Variants in KIF1B observed in about 807,000 individuals in gnomAD.
The protein encoded by KIF1B is kinesin-like protein KIF1B.
KIF1B carries 76 observed loss-of-function variants against 241.9 expected under a neutral mutation model. That is an observed-to-expected ratio of 0.31 (90% CI 0.26 to 0.38). The LOEUF (loss-of-function observed/expected upper bound fraction) is 0.38. Ranked by LOEUF, KIF1B falls within the 10% of genes least tolerant of loss-of-function variation. The pLI is 1.00. For missense variants in KIF1B, 1,622 were observed against 2,271.4 expected (o/e 0.71, Z 5.81); for synonymous variants, 750 against 796.7 (o/e 0.94, Z 0.99).
chr1:10,261,767 C>T lies in KIF1B; in HGVS notation c.364-138C>T, dbSNP rs144669040. The T allele has an allele frequency of 7.9e-5, 55 of 699,976 alleles. No individual in the cohort carries two copies. The African/African-American group carries it at 7.9e-4, about 10-fold the overall frequency. The allele number at this position is 699,976 out of a possible 1,614,324, so 43.4% of individuals were successfully genotyped here. A position where few individuals can be genotyped will look rare whatever the true frequency, so the allele number is the denominator to read the frequency against. On this transcript the variant is annotated intron_variant, in intron 4 of 48. Coordinates refer to ENST00000676179, the MANE Select transcript of KIF1B (RefSeq NM_001365951.3). ...GACTGACTTTATTCAAAGCATTAAT[C>T]GTATCTTGATGTTTATGACATAATA...
Position 10,326,501 on chromosome 1 carries a change from T to C in KIF1B, c.2924+142T>C. The stretch of plus-strand genomic sequence containing the variant: ...TTTCAAGTTCTCCAATACTTCAAGC[T>C]CTTAGTCAGTGCTGGTCTGGCTGAG... On this transcript the variant is annotated intron_variant, in intron 27 of 48. Coordinates refer to ENST00000676179, the MANE Select transcript of KIF1B (RefSeq NM_001365951.3). The surrounding 1 kb of genome is among the most constrained non-coding windows in gnomAD (Gnocchi z 5.2). The C allele has an allele frequency of 9.0e-7, 1 of 1,113,116 alleles. No homozygotes were observed. The highest frequency in any genetic ancestry group is 1.3e-6 in the Non-Finnish European group (1 of 747,288). 69.0% of individuals were successfully genotyped at this position (1,113,116 alleles called of 1,614,324 possible).
chr1:10,230,427 G>GT (rs144336518), intron 1 of KIF1B, among the ~76,000 whole-genome samples: 2,419 of 142,680 alleles, frequency 0.017, 50 homozygotes, highest in African/African-American at 0.057. Flanking sequence ...AAAATTGGTT[G>GT]TTTTTTTTTT....
In KIF1B at chr1:10,232,297, A is replaced by G; in HGVS notation, c.-32A>G. ...AGAAGATTTGATTCTTTATTTCTGG[A>G]CTGCATATATATATATAACAAGGCC... On this transcript the variant is annotated 5_prime_UTR_variant, in exon 2 of 49. Coordinates refer to ENST00000676179, the MANE Select transcript of KIF1B (RefSeq NM_001365951.3). 1 of 1,452,756 alleles carries G rather than the reference A, an allele frequency of 6.9e-7. No individual in the cohort carries two copies. 90.0% of individuals were successfully genotyped at this position (1,452,756 alleles called of 1,614,324 possible).
chr1:10,265,513 G>A (rs1422252000), intron 5 of KIF1B, among the ~76,000 whole-genome samples: 1 of 152,092 alleles, frequency 6.6e-6, no homozygotes, highest in Non-Finnish European at 1.5e-5. Context: ...GGGGATTCCA[G>A]GCATGAGCCA....
chr1:10,313,106 A>G lies in KIF1B; in HGVS notation c.2116-6937A>G, dbSNP rs925831575. The stretch of plus-strand genomic sequence containing the variant: ...TATTGAGACAGAGTCTTGCTCTGTC[A>G]CCTAGGCTGGAGTGTGTGACACGAT... On this transcript the variant is annotated intron_variant, in intron 22 of 48. Coordinates refer to ENST00000676179, the MANE Select transcript of KIF1B (RefSeq NM_001365951.3). Among the ~76,000 whole-genome samples the G allele has an allele frequency of 6.0e-5, 9 of 151,242 alleles. 2 individuals are homozygous for G. Among genetic ancestry groups the G allele is most frequent in the African/African-American group, 2.2e-4 (9 of 40,672 alleles).
chr1:10,223,541 GTTTTGT>G (rs1430792689), intron 1 of KIF1B, among the ~76,000 whole-genome samples: 15 of 118,638 alleles, frequency 1.3e-4, no homozygotes, highest in African/African-American at 3.1e-4. Flanking sequence ...TTTTTGTTTT[GTTTTGT>G]TTTTTTTTTT....
At chr1:10,321,929 C>G in intron 24 of KIF1B, 72 bp downstream of exon 24, 10 of 1,552,442 alleles carry the variant, frequency 6.4e-6, no homozygotes, top group Non-Finnish European at 8.9e-6. Context: ...GGGTTCTCAC[C>G]TTGAATTAAC....
chr1:10,276,600 G>A (rs538648671), intron 12 of KIF1B, among the ~76,000 whole-genome samples: 23 of 152,268 alleles, frequency 1.5e-4, no homozygotes, highest in Non-Finnish European at 1.3e-4. Flanking sequence ...GTTTCACTGG[G>A]AAAGATATGA....
At chr1:10,227,499 A>C (rs1459151288) in intron 1 of KIF1B, among the ~76,000 whole-genome samples, 3 of 152,206 alleles carry the variant, frequency 2.0e-5, no homozygotes, top group Non-Finnish European at 2.9e-5. Context: ...CTAAACTGGT[A>C]GTCAGATCTA....
At chr1:10,335,027 C>G (rs1652112686) in intron 28 of KIF1B, among the ~76,000 whole-genome samples, 1 of 151,794 alleles carries the variant, frequency 6.6e-6, no homozygotes, top group South Asian at 2.1e-4. Context: ...CATCCTTCAC[C>G]TCCAGGCTCA....
At chr1:10,275,392 C>G in intron 10 of KIF1B, 36 bp from the exon 11 acceptor site, 1 of 1,242,916 alleles carries the variant, frequency 8.0e-7, no homozygotes. Context: ...TTTTCCCTAA[C>G]GAAAAATGCT....
chr1:10,282,025 T>G (rs2102231931), intron 14 of KIF1B, among the ~76,000 whole-genome samples: 1 of 152,338 alleles, frequency 6.6e-6, no homozygotes, highest in South Asian at 2.1e-4. Context: ...CTAAGCAGTA[T>G]CCTTTGAGGC....
At chr1:10,276,287 A>G (rs1323968258) in intron 11 of KIF1B, 34 bp from the exon 12 acceptor site, 1 of 1,454,768 alleles carries the variant, frequency 6.9e-7, no homozygotes, top group South Asian at 1.1e-5. Flanking sequence ...TTCTAAAATG[A>G]GTGTGATTTG....
At chr1:10,336,806 T>A in intron 29 of KIF1B, 64 bp downstream of exon 29, 3 of 1,446,370 alleles carry the variant, frequency 2.1e-6, no homozygotes, top group Non-Finnish European at 1.9e-6. Flanking sequence ...GCATTGGAGA[T>A]CAGTTCTCCT....
At chr1:10,367,538 A>T (rs1366065880) in intron 43 of KIF1B, among the ~76,000 whole-genome samples, 2 of 143,330 alleles carry the variant, frequency 1.4e-5, no homozygotes, top group African/African-American at 5.1e-5. Flanking sequence ...TCTTTATTAA[A>T]TTTTTTTTTT....
At chr1:10,272,357 A>G (rs1207389955) in intron 9 of KIF1B, 51 bp downstream of exon 9, 2 of 1,077,732 alleles carry the variant, frequency 1.9e-6, no homozygotes, top group Admixed American at 1.7e-5. Flanking sequence ...CAGCAAATAT[A>G]CTTGATGATA....
chr1:10,267,007 CTT>C (rs1410263587), intron 5 of KIF1B, among the ~76,000 whole-genome samples: 1 of 144,642 alleles, frequency 6.9e-6, no homozygotes, highest in Non-Finnish European at 1.6e-5. Flanking sequence ...TTTTCTTTTT[CTT>C]TCTTTCTTTC....
chr1:10,244,673 C>T (rs1428984097), intron 2 of KIF1B, among the ~76,000 whole-genome samples: 2 of 146,220 alleles, frequency 1.4e-5, no homozygotes, highest in East Asian at 2.0e-4. Flanking sequence ...AGTGCAGTGG[C>T]GTGATCTCTG....
At chr1:10,225,438 T>C (rs1452812082) in intron 1 of KIF1B, among the ~76,000 whole-genome samples, 1 of 152,164 alleles carries the variant, frequency 6.6e-6, no homozygotes, top group African/African-American at 2.4e-5. Context: ...TGAGCCATGA[T>C]TCCCTTGACA....
Sources: gnomAD v4.1 joint callset for allele counts (sites outside exome capture counted in the v4.1 genomes callset) on GRCh38, gnomAD v4.1.1 for gene constraint, Gnocchi (gnomAD v3.1) non-coding constraint, MANE v1.5 for transcripts, NCBI Gene and HGNC (gene_info 2026-07-23, HGNC 2026-07-21) for gene names.